IQCM: variants seen among roughly 807,000 people sequenced by gnomAD.
The protein encoded by IQCM is IQ domain-containing protein M.
In IQCM, 45 loss-of-function variants were observed where a neutral mutation model predicts 57.6. The observed-to-expected ratio is 0.78, with a 90% CI of 0.62 to 1.00. IQCM has a LOEUF of 1.00. Among genes scored for constraint, IQCM ranks in the 50% least tolerant of loss-of-function variants. The probability of loss-of-function intolerance (pLI) is 0.00; values close to 1 mark genes in which losing one functional copy is unlikely to be tolerated. For missense variants in IQCM, 468 were observed against 511.6 expected, an observed-to-expected ratio of 0.91 and a Z score of 0.82; for synonymous variants, 148 against 158.9, an observed-to-expected ratio of 0.93 and a Z score of 0.51.
chr4:149,609,995 CA>C (rs1247786416), intron 8 of IQCM, among the ~76,000 whole-genome samples: 4 of 151,570 alleles, frequency 2.6e-5, no homozygotes, highest in Non-Finnish European at 4.4e-5. Flanking sequence ...AGCACTCCAC[CA>C]AAAAAATATT....
At chr4:149,368,831 T>A (rs10014032) in intron 13 of IQCM, among the ~76,000 whole-genome samples, 1 of 43,802 alleles carries the variant, frequency 2.3e-5, no homozygotes, top group Non-Finnish European at 4.4e-5. Context: ...TATATATACA[T>A]GTATATATAT....
At chr4:149,610,784 TA>T (rs1213201730) in intron 8 of IQCM, among the ~76,000 whole-genome samples, 7 of 151,894 alleles carry the variant, frequency 4.6e-5, no homozygotes, top group African/African-American at 1.7e-4. Flanking sequence ...AAACATTGGG[TA>T]AACACTCTAG....
intron 12 of IQCM, among the ~76,000 whole-genome samples, chr4:149,451,370 T>A (rs74760906): frequency 6.6e-6 from 1 of 151,810 alleles, no homozygotes; most frequent in African/African-American, 2.4e-5. Context: ...GCATAAATAC[T>A]TAAGGGGATG....
At chr4:149,681,708 A>C (rs923918006) in intron 7 of IQCM, among the ~76,000 whole-genome samples, 1 of 151,142 alleles carries the variant, frequency 6.6e-6, no homozygotes, top group Non-Finnish European at 1.5e-5. Context: ...GCTTTGAATC[A>C]ATAGCCCCCT....
chr4:149,355,841 C>G (rs1423411313), intron 13 of IQCM, among the ~76,000 whole-genome samples: 1 of 152,002 alleles, frequency 6.6e-6, no homozygotes, highest in Non-Finnish European at 1.5e-5. Context: ...AATGGTTGAA[C>G]TAGTTTACAG....
At chr4:149,488,139 A>G (rs530922631) in intron 12 of IQCM, among the ~76,000 whole-genome samples, 1 of 152,150 alleles carries the variant, frequency 6.6e-6, no homozygotes, top group East Asian at 1.9e-4. Context: ...AAAATTCTTC[A>G]TATAAATTTA....
At chr4:149,354,585 T>C (rs1310197645) in intron 13 of IQCM, among the ~76,000 whole-genome samples, 2 of 152,004 alleles carry the variant, frequency 1.3e-5, no homozygotes, top group East Asian at 3.9e-4. Context: ...ATTTCTTTGA[T>C]AATACCAAGC....
intron 7 of IQCM, among the ~76,000 whole-genome samples, chr4:149,673,857 G>C (rs1213389340): frequency 1.3e-5 from 2 of 152,056 alleles, no homozygotes; most frequent in Non-Finnish European, 2.9e-5. Flanking sequence ...TTCCAAAAAA[G>C]GCTAAGTTTT....
At chr4:149,764,014 C>T (rs1454313731) in intron 2 of IQCM, among the ~76,000 whole-genome samples, 2 of 151,936 alleles carry the variant, frequency 1.3e-5, no homozygotes, top group Admixed American at 6.6e-5. Flanking sequence ...CTCAAATTAC[C>T]TTGTGAACAA....
chr4:149,537,304 TGAAA>T (rs1747391717), intron 12 of IQCM, among the ~76,000 whole-genome samples: 1 of 151,722 alleles, frequency 6.6e-6, no homozygotes, highest in Non-Finnish European at 1.5e-5. Context: ...ATTCTAGAGT[TGAAA>T]AATACAGTAA....
At chr4:149,694,310 C>T (rs1312191707) in intron 5 of IQCM, among the ~76,000 whole-genome samples, 5 of 147,814 alleles carry the variant, frequency 3.4e-5, no homozygotes, top group Non-Finnish European at 7.5e-5. Context: ...CTGCAAGCTC[C>T]GCCTCCCGGG....
chr4:149,714,046 T>A (rs1764784478), intron 5 of IQCM, among the ~76,000 whole-genome samples: 1 of 152,218 alleles, frequency 6.6e-6, no homozygotes, highest in African/African-American at 2.4e-5. Context: ...CCCTCAATTC[T>A]CTTTTGAATT....
chr4:149,544,275 T>G (rs1299766350), intron 12 of IQCM, among the ~76,000 whole-genome samples: 1 of 152,040 alleles, frequency 6.6e-6, no homozygotes, highest in African/African-American at 2.4e-5. Flanking sequence ...AACAAAAAAT[T>G]ATCTGAAAAA....
chr4:149,771,379 T>C (rs1770563928), intron 2 of IQCM, among the ~76,000 whole-genome samples: 1 of 152,070 alleles, frequency 6.6e-6, no homozygotes, highest in African/African-American at 2.4e-5. Flanking sequence ...AAAGACGGCC[T>C]TAAAATAGTT....
chr4:149,676,345 A>G (rs984787566), intron 7 of IQCM, among the ~76,000 whole-genome samples: 2 of 152,142 alleles, frequency 1.3e-5, no homozygotes, highest in Admixed American at 1.3e-4. Flanking sequence ...TTGTGATTAC[A>G]GTAATATGTC....
rs545759478 is a variant in IQCM, at chr4:149,574,703, T to C, written c.750-10813A>G. Among the ~76,000 whole-genome samples the C allele has an allele frequency of 5.3e-5, 8 of 152,100 alleles. No homozygotes were observed. In the East Asian group the frequency reaches 1.4e-3, roughly 26 times the overall value. On this transcript the variant is annotated intron_variant, in intron 9 of 13. Transcript: ENST00000636793. ...CTGCTAATGCTTATATGATAATATA[T>C]ATTAAACACTAAATCAGTTTTAGAG...
intron 12 of IQCM, among the ~76,000 whole-genome samples, chr4:149,448,426 G>T (rs1024049578): frequency 7.9e-5 from 12 of 151,400 alleles, no homozygotes; most frequent in African/African-American, 2.7e-4. Context: ...AAAGAGCCAA[G>T]CTTTTGCCTT....
intron 13 of IQCM, among the ~76,000 whole-genome samples, chr4:149,389,933 T>G (rs1381891881): frequency 2.0e-5 from 3 of 152,056 alleles, no homozygotes; most frequent in African/African-American, 7.2e-5. Context: ...TTCTTCTTTT[T>G]CAAGATTGTT....
chr4:149,549,781 T>A (rs1380683763), intron 11 of IQCM, among the ~76,000 whole-genome samples: 1 of 152,180 alleles, frequency 6.6e-6, no homozygotes, highest in Non-Finnish European at 1.5e-5. Context: ...AGTTATATCA[T>A]CCTGGCACTC....
Sources: gnomAD v4.1 joint callset for allele counts (sites outside exome capture counted in the v4.1 genomes callset) on GRCh38, gnomAD v4.1.1 for gene constraint, MANE v1.5 for transcripts, NCBI Gene and HGNC (gene_info 2026-07-23, HGNC 2026-07-21) for gene names.